Variants in IRF5 observed in about 807,000 individuals in gnomAD.
IRF5 encodes the protein interferon regulatory factor 5.
A neutral mutation model predicts 55.1 loss-of-function variants in IRF5; 24 were observed. The observed-to-expected ratio is 0.44, with a 90% CI of 0.32 to 0.61. The LOEUF (loss-of-function observed/expected upper bound fraction) is 0.61, where lower values mean the gene tolerates loss of function less well. Among genes scored for constraint, IRF5 ranks in the 20% least tolerant of loss-of-function variants. The probability of loss-of-function intolerance (pLI) is 0.07; values close to 1 mark genes in which losing one functional copy is unlikely to be tolerated. For missense variants in IRF5, 499 were observed against 658.5 expected (o/e 0.76, Z 2.65); for synonymous variants, 258 against 260.2 (o/e 0.99, Z 0.08).
In IRF5 at chr7:128,947,871, G is replaced by A. The variant is rs764774044; in HGVS notation, c.930G>A (p.Leu310=). 1.9e-5 allele frequency: 31 copies of A among 1,613,940 alleles called. No individual in the cohort carries two copies. In the South Asian group the frequency reaches 2.0e-4, roughly 10 times the overall value. Residue 310 remains leucine (L), a synonymous_variant, in exon 7 of 9, where the codon CTG becomes CTA. Transcript: ENST00000357234. This position sits in a 1 kb window ranked among gnomAD's most constrained non-coding sequence, Gnocchi z 6.5. ...EQVELFGPIS[L]EQVRFPSPED... The stretch of plus-strand genomic sequence containing the variant: ...TGGAACTCTTCGGCCCCATAAGCCT[G>A]GAGCAAGTGCGCTTCCCCAGCCCTG...
chr7:128,942,406 G>A (rs1372858770), intron 2 of IRF5, 130 bp downstream of exon 2: 10 of 722,964 alleles, frequency 1.4e-5, no homozygotes, highest in Admixed American at 6.0e-5. Flanking sequence ...TGCTGATGCC[G>A]GGCCCGGACT....
In IRF5 at chr7:128,946,974, C is replaced by A; in HGVS notation, c.448-49C>A. 2 of 1,610,896 alleles carry A rather than the reference C, an allele frequency of 1.2e-6. No individual in the cohort carries two copies. Among genetic ancestry groups the A allele is most frequent in the Non-Finnish European group, 1.7e-6 (2 of 1,177,434 alleles). ...CCCCAGGTCAGTGGAATAACCTGTC[C>A]TCCTTTCTCTCCCATCTCTTCCCTC... On this transcript the variant is annotated intron_variant, in intron 4 of 8. Coordinates refer to ENST00000357234, the MANE Select transcript of IRF5 (RefSeq NM_001098629.3). The surrounding 1 kb of genome is among the most constrained non-coding windows in gnomAD (Gnocchi z 4.2).
In IRF5 at chr7:128,948,403, C is replaced by CT. The variant is rs1247078577; in HGVS notation, c.1299+76dup. 5.4e-6 allele frequency: 8 copies of CT among 1,473,820 alleles called. No homozygotes were observed. Among genetic ancestry groups the CT allele is most frequent in the African/African-American group, 1.4e-5 (1 of 71,006 alleles). 91.3% of individuals were successfully genotyped at this position (1,473,820 alleles called of 1,614,324 possible). A position where few individuals can be genotyped will look rare whatever the true frequency, so the allele number is the denominator to read the frequency against. On this transcript the variant is annotated intron_variant, in intron 8 of 8. Coordinates refer to ENST00000357234, the MANE Select transcript of IRF5 (RefSeq NM_001098629.3). This position sits in a 1 kb window ranked among gnomAD's most constrained non-coding sequence, Gnocchi z 4.6. ...CCTGGGGCTAGGCCCTTGCCCCAGGCTGGAGGCTCAGGGCTCCCTGAGCAG... is the reference window on the plus strand; with the variant it reads ...CCTGGGGCTAGGCCCTTGCCCCAGGCTTGGAGGCTCAGGGCTCCCTGAGCAG...
intron 2 of IRF5, among the ~76,000 whole-genome samples, chr7:128,943,376 CTT>C (rs200345101): frequency 5.9e-5 from 8 of 136,688 alleles, no homozygotes; most frequent in Non-Finnish European, 4.8e-5. Context: ...CATATATACT[CTT>C]TTTTTTTTTT....
intron 1 of IRF5, 110 bp from the exon 2 acceptor site, chr7:128,941,961 C>T: frequency 1.3e-6 from 1 of 749,416 alleles, no homozygotes; most frequent in Non-Finnish European, 2.1e-6. Context: ...CCTTAAATAC[C>T]TAGATGGACT....
chr7:128,948,945 T>C lies in IRF5; in HGVS notation c.*127T>C. 2 of 1,222,276 alleles carry C rather than the reference T, an allele frequency of 1.6e-6. No individual in the cohort carries two copies. The highest frequency in any genetic ancestry group is 1.5e-5 in the South Asian group (1 of 66,492). 75.7% of individuals were successfully genotyped at this position (1,222,276 alleles called of 1,614,324 possible). On this transcript the variant is annotated 3_prime_UTR_variant, in exon 9 of 9. Coordinates refer to ENST00000357234, the MANE Select transcript of IRF5 (RefSeq NM_001098629.3). This position sits in a 1 kb window ranked among gnomAD's most constrained non-coding sequence, Gnocchi z 4.6. ...TACCTCTGGGTTTCCTGGAAGTGGA[T>C]TTGGGCCAAGAAGGAGAGGGAGAAA...
chr7:128,946,783 G>A lies in IRF5; in HGVS notation c.447+221G>A, dbSNP rs900122749. The stretch of plus-strand genomic sequence containing the variant: ...GTGTGTGTGACCCACGCAGCAGTTG[G>A]GGCTTGGTAGGTCTGACTCCCTGCA... On this transcript the variant is annotated intron_variant, in intron 4 of 8. Transcript: ENST00000357234. The surrounding 1 kb of genome is among the most constrained non-coding windows in gnomAD (Gnocchi z 4.2). 3 of 642,444 alleles carry A rather than the reference G, an allele frequency of 4.7e-6. No homozygotes were observed. Among genetic ancestry groups the A allele is most frequent in the African/African-American group, 3.6e-5 (2 of 55,120 alleles). The allele number at this position is 642,444 out of a possible 1,614,324, so 39.8% of individuals were successfully genotyped here.
chr7:128,947,091 T>C lies in IRF5; in HGVS notation c.481+35T>C, dbSNP rs1438389086. 1 of 1,613,906 alleles carries C rather than the reference T, an allele frequency of 6.2e-7. No individual in the cohort carries two copies. The highest frequency in any genetic ancestry group is 1.7e-5 in the Admixed American group (1 of 60,012). The stretch of plus-strand genomic sequence containing the variant: ...GGAGGTGGTGGTTGGGGGTCTAGTA[T>C]ACAGAGAAGCTATAGGTACCATAGG... On this transcript the variant is annotated intron_variant, in intron 5 of 8. Coordinates refer to ENST00000357234, the MANE Select transcript of IRF5 (RefSeq NM_001098629.3). This position sits in a 1 kb window ranked among gnomAD's most constrained non-coding sequence, Gnocchi z 6.5.
rs1796527041 is a variant in IRF5 at position 128,949,829 on chromosome 7, G to GTTCTC, written c.*1014_*1018dup. 1 of 152,078 alleles carries GTTCTC rather than the reference G, an allele frequency of 6.6e-6. No individual in the cohort carries two copies. The highest frequency in any genetic ancestry group is 6.6e-5 in the Admixed American group (1 of 15,260). The allele number at this position is 152,078 out of a possible 1,614,324, so 9.4% of individuals were successfully genotyped here. On this transcript the variant is annotated 3_prime_UTR_variant, in exon 9 of 9. Transcript: ENST00000357234. ...CCCCCGAGGTGGGGACAGTGAGTGA[G>GTTCTC]TTCTCTTAGTCCCCCCAGAGCTGGT...
Position 128,946,567 on chromosome 7 carries a change from G to A in IRF5, c.447+5G>A. On this transcript the variant is annotated splice_donor_5th_base_variant and intron_variant, in intron 4 of 8. Coordinates refer to ENST00000357234, the MANE Select transcript of IRF5 (RefSeq NM_001098629.3). The surrounding 1 kb of genome is among the most constrained non-coding windows in gnomAD (Gnocchi z 4.2). Reference sequence around the variant, plus strand: ...GAGGAGGAAGAAGAGGAAGAGGTGAGTGTGGGTTGAGGAGGCAGGTGGAGC... The same window carrying A: ...GAGGAGGAAGAAGAGGAAGAGGTGAATGTGGGTTGAGGAGGCAGGTGGAGC... The A allele has an allele frequency of 6.3e-7, 1 of 1,590,128 alleles. No individual in the cohort carries two copies. Among genetic ancestry groups the A allele is most frequent in the Admixed American group, 1.7e-5 (1 of 57,968 alleles).
Position 128,947,956 on chromosome 7 carries a change from C to T in IRF5, c.1015C>T (p.Arg339Cys), listed in dbSNP as rs777216993. ...YTNQLLDVLDRGLILQLQGQD... is the reference protein window; with the variant it reads ...YTNQLLDVLDCGLILQLQGQD... ...GAACCAGCTGCTGGATGTCCTGGACCGCGGGCTCATCCTCCAGCTACAGGG... is the reference window on the plus strand; with the variant it reads ...GAACCAGCTGCTGGATGTCCTGGACTGCGGGCTCATCCTCCAGCTACAGGG... The change falls in exon 7 of 9, where the codon CGC becomes TGC. Residue 339 changes from arginine to cysteine, a missense_variant. Arg to Cys is a radical substitution (Grantham distance 180, BLOSUM62 -3). Coordinates refer to ENST00000357234, the MANE Select transcript of IRF5 (RefSeq NM_001098629.3). This position sits in a 1 kb window ranked among gnomAD's most constrained non-coding sequence, Gnocchi z 6.5. The T allele has an allele frequency of 4.3e-6, 7 of 1,614,126 alleles. No individual in the cohort carries two copies. The highest frequency in any genetic ancestry group is 1.6e-4 in the Middle Eastern group (1 of 6,062).
intron 1 of IRF5, chr7:128,941,301 G>C (rs1209842277): frequency 6.6e-6 from 1 of 152,416 alleles, no homozygotes; most frequent in Non-Finnish European, 1.5e-5. Context: ...GCTCCGGCAG[G>C]CGTTAGGGCC....
chr7:128,945,791 G>A, intron 2 of IRF5, 54 bp from the exon 3 acceptor site: 1 of 1,549,346 alleles, frequency 6.5e-7, no homozygotes. Context: ...GAGGCAGACT[G>A]GGGCTGTGGC....
At chr7:128,942,325 C>A (rs775742001) in intron 2 of IRF5, 49 bp downstream of exon 2, 6 of 1,544,830 alleles carry the variant, frequency 3.9e-6, no homozygotes, top group Non-Finnish European at 5.3e-6. Context: ...ACCCTGTCCC[C>A]AGAAGAGGAG....
intron 1 of IRF5, among the ~76,000 whole-genome samples, chr7:128,939,508 C>T (rs528919157): frequency 6.6e-6 from 1 of 152,270 alleles, no homozygotes; most frequent in African/African-American, 2.4e-5. Context: ...ACCCCTTGTC[C>T]TCTCCCTGAG....
upstream of IRF5, among the ~76,000 whole-genome samples, chr7:128,937,268 G>A (rs1327628660): frequency 8.2e-6 from 1 of 121,452 alleles, no homozygotes; most frequent in Non-Finnish European, 1.9e-5. Context: ...AACAGGAGGT[G>A]TGTGAAGGTG....
rs765418077 is a variant in IRF5, at chr7:128,947,543, C to T, written c.787+8C>T. 6 of 1,543,398 alleles carry T rather than the reference C, an allele frequency of 3.9e-6. No individual in the cohort carries two copies. The African/African-American group carries it at 8.2e-5, about 21-fold the overall frequency. Reference sequence around the variant, plus strand: ...GCCCCCACATGCTGCCTCGTAAGGACCCATGGCTGGGCACGGGGAAGCAGT... The same window carrying T: ...GCCCCCACATGCTGCCTCGTAAGGATCCATGGCTGGGCACGGGGAAGCAGT... On this transcript the variant is annotated splice_region_variant and intron_variant, in intron 6 of 8. Transcript: ENST00000357234. This position sits in a 1 kb window ranked among gnomAD's most constrained non-coding sequence, Gnocchi z 6.5.
chr7:128,945,302 C>T lies in IRF5; in HGVS notation c.196-543C>T, dbSNP rs148419938. Among the ~76,000 whole-genome samples, 1,192 of 152,252 alleles carry T rather than the reference C, an allele frequency of 7.8e-3. 6 individuals are homozygous for T. Among genetic ancestry groups the T allele is most frequent in the Non-Finnish European group, 0.013 (895 of 68,006 alleles). ...TAATTTTTTGTAAAGACAGGAGTCT[C>T]GTTATGTTGCCTAGGCTGGACTCCA... On this transcript the variant is annotated intron_variant, in intron 2 of 8. Coordinates refer to ENST00000357234, the MANE Select transcript of IRF5 (RefSeq NM_001098629.3).
In IRF5 at chr7:128,942,063, T is replaced by C. The variant is rs769382882; in HGVS notation, c.-11-8T>C. ...CTGCTGAGGCTCCCCTCTGGCTTTC[T>C]CCTGCAGACCCCTCTGCCATGAACC... On this transcript the variant is annotated splice_polypyrimidine_tract_variant and splice_region_variant and intron_variant, in intron 1 of 8. Coordinates refer to ENST00000357234, the MANE Select transcript of IRF5 (RefSeq NM_001098629.3). 10 of 1,584,080 alleles carry C rather than the reference T, an allele frequency of 6.3e-6. No homozygotes were observed. In the Admixed American group the frequency reaches 1.6e-4, roughly 25 times the overall value.
Sources: allele counts gnomAD v4.1 joint callset (sites outside exome capture counted in the v4.1 genomes callset), GRCh38; gene constraint gnomAD v4.1.1; non-coding constraint Gnocchi (gnomAD v3.1); transcripts MANE v1.5; gene names NCBI Gene and HGNC (gene_info 2026-07-23, HGNC 2026-07-21).